Variants in C2CD2 observed in about 807,000 individuals in gnomAD.
C2CD2 encodes C2 calcium dependent domain containing 2.
C2CD2 carries 43 observed loss-of-function variants against 74.3 expected under a neutral mutation model. That is an observed-to-expected ratio of 0.58 (90% CI 0.45 to 0.75). C2CD2 has a LOEUF of 0.75. C2CD2 is among the 30% of genes least tolerant of loss of function. The pLI is 0.00. For missense variants in C2CD2, 801 were observed against 916.3 expected, an observed-to-expected ratio of 0.87 and a Z score of 1.63; for synonymous variants, 422 against 390.7, an observed-to-expected ratio of 1.08 and a Z score of -0.94.
At chr21:41,931,568 G>A (rs544693607) in intron 2 of C2CD2, among the ~76,000 whole-genome samples, 60 of 149,586 alleles carry the variant, frequency 4.0e-4, no homozygotes, top group African/African-American at 1.3e-3. Flanking sequence ...GACTACAGGC[G>A]CGTGCCACCA....
chr21:41,908,923 G>T (rs404537), intron 8 of C2CD2: 16,066 of 154,296 alleles, frequency 0.1, 944 homozygotes, highest in African/African-American at 0.14. Flanking sequence ...TGAGTTCAAT[G>T]TAAACCTCTG....
chr21:41,921,680 T>C (rs1019911093), intron 3 of C2CD2, among the ~76,000 whole-genome samples: 2 of 152,186 alleles, frequency 1.3e-5, no homozygotes, highest in Non-Finnish European at 2.9e-5. Flanking sequence ...CCACCTGCCT[T>C]ATCATATCCG....
rs376581183 is a variant in C2CD2, at chr21:41,909,442, C to G, written c.1018+17G>C. On this transcript the variant is annotated intron_variant, in intron 8 of 13. Coordinates refer to ENST00000380486, the MANE Select transcript of C2CD2 (RefSeq NM_015500.2). ...CCTTTCCAGAGGGCGAGGCCTCTGT[C>G]CTCCTGCTCAACCCACCTTCTGAGG... 42 of 1,598,488 alleles carry G rather than the reference C, an allele frequency of 2.6e-5. No individual in the cohort carries two copies. In the African/African-American group the frequency reaches 5.5e-4, roughly 21 times the overall value.
chr21:41,930,216 C>T lies in C2CD2; in HGVS notation c.379-8131G>A, dbSNP rs962133112. On this transcript the variant is annotated intron_variant, in intron 2 of 13. Transcript: ENST00000380486. ...GCAACCTCCTGGTGGGTGAGGGTTT[C>T]ATTCTGGAGCACCTGAGCACATGGT... Among the ~76,000 whole-genome samples the T allele has an allele frequency of 2.7e-5, 4 of 150,020 alleles. No homozygotes were observed. In the East Asian group the frequency reaches 7.8e-4, roughly 29 times the overall value.
rs540066119 is a variant in C2CD2 at position 41,907,470 on chromosome 21, C to T, written c.1143+190G>A. On this transcript the variant is annotated intron_variant, in intron 9 of 13. Coordinates refer to ENST00000380486, the MANE Select transcript of C2CD2 (RefSeq NM_015500.2). ...AACAGTTATCTCCTCCAGCAGACAA[C>T]TCAATTGTACAGTGGACAGAACGTG... Among the ~76,000 whole-genome samples the T allele has an allele frequency of 4.6e-5, 7 of 152,342 alleles. No individual in the cohort carries two copies. The East Asian group carries it at 1.3e-3, about 29-fold the overall frequency.
At chr21:41,894,475 C>G (rs1473918635) in intron 13 of C2CD2, 1 of 368,572 alleles carries the variant, frequency 2.7e-6, no homozygotes, top group African/African-American at 2.1e-5. Flanking sequence ...AGGCCCTGCT[C>G]TTCCATGCTG....
At chr21:41,902,757 T>TA (rs2064914401) in intron 11 of C2CD2, among the ~76,000 whole-genome samples, 1 of 151,830 alleles carries the variant, frequency 6.6e-6, no homozygotes. Context: ...AATAAATAGA[T>TA]ACTTGGTCTT....
At chr21:41,893,259 T>C (rs1366282746) in intron 13 of C2CD2, among the ~76,000 whole-genome samples, 1 of 152,182 alleles carries the variant, frequency 6.6e-6, no homozygotes, top group Admixed American at 6.5e-5. Context: ...TGCCTAAACC[T>C]GGGAGGCTGA....
intron 13 of C2CD2, among the ~76,000 whole-genome samples, chr21:41,890,735 C>T (rs552870443): frequency 7.2e-5 from 11 of 152,302 alleles, no homozygotes; most frequent in East Asian, 3.9e-4. Context: ...AAGGAGGGCA[C>T]GAAGAATATC....
intron 1 of C2CD2, 84 bp from the exon 2 acceptor site, chr21:41,942,329 A>C (rs2065361700): frequency 9.4e-7 from 1 of 1,060,362 alleles, no homozygotes; most frequent in East Asian, 2.6e-5. Flanking sequence ...AGTTCTGAAA[A>C]ATTAAGAAAA....
intron 13 of C2CD2, 126 bp from the exon 14 acceptor site, chr21:41,889,470 A>G: frequency 1.5e-6 from 1 of 666,490 alleles, no homozygotes. Flanking sequence ...TACTACTTCA[A>G]TATGCTGTCA....
chr21:41,917,210 A>G (rs753664228), intron 5 of C2CD2, among the ~76,000 whole-genome samples: 2 of 152,250 alleles, frequency 1.3e-5, no homozygotes, highest in Non-Finnish European at 2.9e-5. Context: ...CCATCAACTG[A>G]TATCTGTCCA....
At chr21:41,928,314 T>C (rs1283335856) in intron 2 of C2CD2, among the ~76,000 whole-genome samples, 1 of 152,060 alleles carries the variant, frequency 6.6e-6, no homozygotes, top group Admixed American at 6.5e-5. Context: ...GCAGGCTGGC[T>C]CGGCCCAGAA....
intron 13 of C2CD2, among the ~76,000 whole-genome samples, chr21:41,893,393 A>T (rs548050566): frequency 1.3e-5 from 2 of 152,340 alleles, no homozygotes; most frequent in Admixed American, 1.3e-4. Context: ...TAATAAAAAT[A>T]AAAACTGCCT....
In C2CD2 at chr21:41,923,968, G is replaced by C. The variant is rs957920274; in HGVS notation, c.379-1883C>G. ...GGGCAGGCACAAGGGGGTTCCGTAG[G>C]TGGCCAGTGTTTGGCCAAAAAGCAA... On this transcript the variant is annotated intron_variant, in intron 2 of 13. Coordinates refer to ENST00000380486, the MANE Select transcript of C2CD2 (RefSeq NM_015500.2). This position sits in a 1 kb window ranked among gnomAD's most constrained non-coding sequence, Gnocchi z 5.8. Among the ~76,000 whole-genome samples, 2 of 152,166 alleles carry C rather than the reference G, an allele frequency of 1.3e-5. No individual in the cohort carries two copies. Among genetic ancestry groups the C allele is most frequent in the Non-Finnish European group, 2.9e-5 (2 of 68,028 alleles).
At chr21:41,928,606 A>G (rs1165522560) in intron 2 of C2CD2, among the ~76,000 whole-genome samples, 1 of 148,122 alleles carries the variant, frequency 6.8e-6, no homozygotes, top group Non-Finnish European at 1.5e-5. Flanking sequence ...AGTTAGCTAG[A>G]GTGACAAATG....
Position 41,953,863 on chromosome 21 carries a change from C to G in C2CD2, c.-215G>C, listed in dbSNP as rs2065471770. ...CGCGGCCCGGGCTGGGCGCAAGCCC[C>G]GCACACCTGCGGAACAGGGGCGCGA... On this transcript the variant is annotated 5_prime_UTR_variant, in exon 1 of 14. Transcript: ENST00000380486. 1 of 271,158 alleles carries G rather than the reference C, an allele frequency of 3.7e-6. No homozygotes were observed. The highest frequency in any genetic ancestry group is 2.3e-5 in the African/African-American group (1 of 44,142). 16.8% of individuals were successfully genotyped at this position (271,158 alleles called of 1,614,324 possible).
intron 7 of C2CD2, among the ~76,000 whole-genome samples, chr21:41,911,477 T>C (rs2065025338): frequency 6.6e-6 from 1 of 150,508 alleles, no homozygotes. Flanking sequence ...CTGCAACCTC[T>C]GAATCCCAGG....
intron 5 of C2CD2, among the ~76,000 whole-genome samples, chr21:41,917,250 T>G (rs1281352446): frequency 6.6e-6 from 1 of 152,208 alleles, no homozygotes; most frequent in Non-Finnish European, 1.5e-5. Context: ...CTCTACCTAC[T>G]GACAGCTGGT....
Sources: gnomAD v4.1 joint callset for allele counts (sites outside exome capture counted in the v4.1 genomes callset) on GRCh38, gnomAD v4.1.1 for gene constraint, Gnocchi (gnomAD v3.1) non-coding constraint, MANE v1.5 for transcripts, NCBI Gene and HGNC (gene_info 2026-07-23, HGNC 2026-07-21) for gene names.